Variants in RBFOX1 observed in about 807,000 individuals in gnomAD.
RBFOX1 encodes RNA binding protein fox-1 homolog 1.
In RBFOX1, 8 loss-of-function variants were observed where a neutral mutation model predicts 57.7. The observed-to-expected ratio is 0.14, with a 90% CI of 0.08 to 0.25. The LOEUF is 0.25. Among genes scored for constraint, RBFOX1 ranks in the 10% least tolerant of loss-of-function variants. The pLI is 1.00. For synonymous variants in RBFOX1, 326 were observed against 222.4 expected (o/e 1.47, Z -4.15); for missense variants, 611 against 548.5 (o/e 1.11, Z -1.14).
intron 3 of RBFOX1, among the ~76,000 whole-genome samples, chr16:5,769,916 G>C (rs2053921473): frequency 6.6e-6 from 1 of 152,148 alleles, no homozygotes; most frequent in Admixed American, 6.5e-5. Context: ...GGATGTTGGG[G>C]GCAAGGATAC....
intron 3 of RBFOX1, among the ~76,000 whole-genome samples, chr16:6,799,655 A>G (rs958977062): frequency 2.6e-5 from 4 of 152,128 alleles, no homozygotes; most frequent in Non-Finnish European, 4.4e-5. Context: ...CAGCTCGTAT[A>G]AAGCAGGTGG....
intron 2 of RBFOX1, among the ~76,000 whole-genome samples, chr16:6,371,690 C>G (rs542981509): frequency 1.3e-5 from 2 of 151,958 alleles, no homozygotes; most frequent in Non-Finnish European, 2.9e-5. Flanking sequence ...AAGTTCTGGG[C>G]GATTATGGCT....
intron 1 of RBFOX1, among the ~76,000 whole-genome samples, chr16:6,181,623 G>A (rs1342301110): frequency 6.6e-6 from 1 of 152,138 alleles, no homozygotes; most frequent in East Asian, 1.9e-4. Flanking sequence ...GTCTATTCCT[G>A]TGGTGGGGGG....
chr16:6,707,086 A>C (rs1165020848), intron 3 of RBFOX1, among the ~76,000 whole-genome samples: 1 of 152,162 alleles, frequency 6.6e-6, no homozygotes, highest in Non-Finnish European at 1.5e-5. Context: ...CTCTTTCCAG[A>C]CTTCCATGCA....
intron 2 of RBFOX1, among the ~76,000 whole-genome samples, chr16:6,646,627 G>C (rs1358022311): frequency 1.3e-5 from 2 of 152,062 alleles, no homozygotes; most frequent in African/African-American, 4.8e-5. Flanking sequence ...CTCAAGGAGA[G>C]AAAGGAAATG....
chr16:6,099,118 A>G (rs1231483269), intron 1 of RBFOX1, among the ~76,000 whole-genome samples: 1 of 152,184 alleles, frequency 6.6e-6, no homozygotes, highest in African/African-American at 2.4e-5. Flanking sequence ...GAATTTGAAA[A>G]TAGGTCGAAC....
At chr16:5,323,174 G>T (rs1311646899) in intron 1 of RBFOX1, among the ~76,000 whole-genome samples, 1 of 152,158 alleles carries the variant, frequency 6.6e-6, no homozygotes. Flanking sequence ...TGCTGTATGC[G>T]TACATATTAA....
At chr16:7,111,206 GT>G (rs2064694631) in intron 4 of RBFOX1, among the ~76,000 whole-genome samples, 3 of 152,196 alleles carry the variant, frequency 2.0e-5, no homozygotes, top group Non-Finnish European at 2.9e-5. Context: ...GGAGTTCAGT[GT>G]GATCAGATGG....
rs561026767 is a variant in RBFOX1, at chr16:6,133,688, C to T, written c.-127+113696C>T. Among the ~76,000 whole-genome samples the T allele has an allele frequency of 1.8e-4, 28 of 152,254 alleles. 1 individual carries two copies. In the South Asian group the frequency reaches 2.3e-3, roughly 12 times the overall value. ...CAAGTCTTTAATGTGCCACATAGGA[C>T]GCCATCTCTGCATCCTCACCTTGCT... On this transcript the variant is annotated intron_variant, in intron 1 of 15. Coordinates refer to ENST00000550418, the MANE Select transcript of RBFOX1 (RefSeq NM_018723.4).
chr16:6,006,792 T>C (rs567481548), intron 4 of RBFOX1, among the ~76,000 whole-genome samples: 3 of 152,176 alleles, frequency 2.0e-5, no homozygotes, highest in South Asian at 2.1e-4. Flanking sequence ...GGCGATAAGA[T>C]ACAATGAGTG....
At chr16:7,474,264 G>T (rs530090978) in intron 4 of RBFOX1, among the ~76,000 whole-genome samples, 1 of 152,146 alleles carries the variant, frequency 6.6e-6, no homozygotes, top group Non-Finnish European at 1.5e-5. Flanking sequence ...TCCAGCCTGG[G>T]TGACAGGGCG....
At chr16:6,082,790 T>C (rs1234683336) in intron 1 of RBFOX1, among the ~76,000 whole-genome samples, 1 of 152,114 alleles carries the variant, frequency 6.6e-6, no homozygotes, top group Admixed American at 6.6e-5. Context: ...GATATCAGTT[T>C]GGCTTGTAAC....
At chr16:6,939,134 G>T (rs1397248752) in intron 3 of RBFOX1, among the ~76,000 whole-genome samples, 1 of 152,074 alleles carries the variant, frequency 6.6e-6, no homozygotes, top group Non-Finnish European at 1.5e-5. Context: ...AACCTGCCAA[G>T]GTCACACCAC....
At chr16:7,546,403 C>G (rs986823642) in intron 5 of RBFOX1, among the ~76,000 whole-genome samples, 13 of 151,696 alleles carry the variant, frequency 8.6e-5, no homozygotes, top group African/African-American at 3.2e-4. Context: ...GGTTACTTAC[C>G]TTGTGTCAGC....
chr16:6,917,523 A>C (rs2073473908), intron 3 of RBFOX1, among the ~76,000 whole-genome samples: 1 of 152,210 alleles, frequency 6.6e-6, no homozygotes, highest in Non-Finnish European at 1.5e-5. Context: ...ACTCTGTCCA[A>C]AGGAAGATCA....
chr16:6,989,445 C>T (rs1471913458), intron 3 of RBFOX1, among the ~76,000 whole-genome samples: 4 of 152,030 alleles, frequency 2.6e-5, no homozygotes, highest in African/African-American at 9.6e-5. Context: ...TTTTTTTCCC[C>T]ACATATTGGT....
chr16:6,607,747 G>A (rs2097962000), intron 2 of RBFOX1, among the ~76,000 whole-genome samples: 1 of 152,126 alleles, frequency 6.6e-6, no homozygotes, highest in African/African-American at 2.4e-5. Flanking sequence ...TCCCCCTGCT[G>A]TATATGGTTC....
chr16:5,557,398 A>G (rs988932169), intron 2 of RBFOX1, among the ~76,000 whole-genome samples: 1 of 132,516 alleles, frequency 7.5e-6, no homozygotes, highest in African/African-American at 2.8e-5. Flanking sequence ...GCACATGGGC[A>G]TTGGGTCCCC....
intron 10 of RBFOX1, among the ~76,000 whole-genome samples, chr16:7,613,927 G>C (rs992720947): frequency 6.6e-6 from 1 of 152,176 alleles, no homozygotes; most frequent in Admixed American, 6.5e-5. Context: ...ATTGGGCTCA[G>C]GGTGATTTGG....
Sources: gnomAD v4.1 joint callset for allele counts (sites outside exome capture counted in the v4.1 genomes callset) on GRCh38, gnomAD v4.1.1 for gene constraint, MANE v1.5 for transcripts, NCBI Gene and HGNC (gene_info 2026-07-23, HGNC 2026-07-21) for gene names.